The following CCNH variants were observed in gnomAD, a reference collection of about 807,000 sequenced individuals.
CCNH encodes the protein cyclin H.
A neutral mutation model predicts 41.9 loss-of-function variants in CCNH; 31 were observed. The ratio of observed to expected loss-of-function variants is 0.74; its 90% confidence interval spans 0.56 to 1.00. CCNH has a LOEUF of 1.00. Ranked by LOEUF, CCNH falls within the 50% of genes least tolerant of loss-of-function variation. The probability of loss-of-function intolerance (pLI) is 0.00; values close to 1 mark genes in which losing one functional copy is unlikely to be tolerated. For missense variants in CCNH, 362 were observed against 388.4 expected (o/e 0.93, Z 0.57); for synonymous variants, 138 against 136.1 (o/e 1.01, Z -0.10).
chr5:87,334,095 A>G (rs1402740666), intron 9 of CCNH, among the ~76,000 whole-genome samples: 1 of 152,150 alleles, frequency 6.6e-6, no homozygotes, highest in Non-Finnish European at 1.5e-5. Flanking sequence ...TGTTCTCTAG[A>G]GGAGATTTTT....
chr5:87,385,322 C>A, intron 9 of CCNH: 1 of 1,610,672 alleles, frequency 6.2e-7, no homozygotes, highest in Non-Finnish European at 8.5e-7. Context: ...CCTATTGCTG[C>A]AAGAACACTG....
intron 4 of CCNH, among the ~76,000 whole-genome samples, chr5:87,406,924 G>A (rs3093795): frequency 2.5e-3 from 388 of 152,206 alleles, no homozygotes; most frequent in Middle Eastern, 6.8e-3. Context: ...ATCTAATCAT[G>A]CCACTCTCTA....
chr5:87,386,733 T>C, downstream of CCNH: 1 of 1,084,230 alleles, frequency 9.2e-7, no homozygotes, highest in Non-Finnish European at 1.4e-6. Context: ...AATTGCAGTT[T>C]TTGCTGTTAA....
intron 9 of CCNH, among the ~76,000 whole-genome samples, chr5:87,386,220 T>C (rs1762052034): frequency 6.6e-6 from 1 of 152,044 alleles, no homozygotes; most frequent in Non-Finnish European, 1.5e-5. Flanking sequence ...GAGGTCCTTA[T>C]CTCATTGAGT....
chr5:87,394,278 T>G lies in CCNH; in HGVS notation c.*168A>C. On this transcript the variant is annotated 3_prime_UTR_variant, in exon 9 of 9. Coordinates refer to ENST00000256897, the MANE Select transcript of CCNH (RefSeq NM_001239.4). ...CAAAACAGGTGCTATTCTAGCTCTTTTGAAGATGGTTTATTTTACATAAAG... is the reference window on the plus strand; with the variant it reads ...CAAAACAGGTGCTATTCTAGCTCTTGTGAAGATGGTTTATTTTACATAAAG... 4 of 1,327,474 alleles carry G rather than the reference T, an allele frequency of 3.0e-6. No individual in the cohort carries two copies. The highest frequency in any genetic ancestry group is 3.9e-6 in the Non-Finnish European group (4 of 1,035,258). 82.2% of individuals were successfully genotyped at this position (1,327,474 alleles called of 1,614,324 possible).
At chr5:87,410,940 T>C (rs1018327090) in intron 2 of CCNH, among the ~76,000 whole-genome samples, 1 of 152,226 alleles carries the variant, frequency 6.6e-6, no homozygotes, top group African/African-American at 2.4e-5. Flanking sequence ...TATGGCTCAT[T>C]AGTTGAGAAC....
intron 9 of CCNH, among the ~76,000 whole-genome samples, chr5:87,356,345 G>A (rs7715506): frequency 0.015 from 2,204 of 151,596 alleles, 31 homozygotes; most frequent in African/African-American, 0.041. Flanking sequence ...CTTCACCAGC[G>A]TAAAGATTAT....
intron 9 of CCNH, among the ~76,000 whole-genome samples, chr5:87,370,688 C>T (rs1363398076): frequency 6.6e-6 from 1 of 151,980 alleles, no homozygotes; most frequent in East Asian, 1.9e-4. Context: ...TTCTTTGAAC[C>T]CTAATATTTC....
chr5:87,338,536 A>ATATATATATTTTTT, intron 9 of CCNH, among the ~76,000 whole-genome samples: 7 of 85,216 alleles, frequency 8.2e-5, no homozygotes, highest in East Asian at 9.9e-4. Flanking sequence ...TATATATAAA[A>ATATATATATTTTTT]TTTTTTTTTT....
At chr5:87,360,157 T>G (rs1759971684) in intron 9 of CCNH, among the ~76,000 whole-genome samples, 1 of 148,560 alleles carries the variant, frequency 6.7e-6, no homozygotes, top group Admixed American at 6.8e-5. Flanking sequence ...GGAATTTCGC[T>G]CTTTTTTGCT....
chr5:87,351,189 A>G (rs1249610146), intron 9 of CCNH, among the ~76,000 whole-genome samples: 21 of 151,704 alleles, frequency 1.4e-4, no homozygotes. Context: ...TTAAAAAAAA[A>G]AAGCAGAAGA....
At chr5:87,402,912 T>C (rs1263397665) in intron 5 of CCNH, among the ~76,000 whole-genome samples, 2 of 152,202 alleles carry the variant, frequency 1.3e-5, no homozygotes, top group African/African-American at 2.4e-5. Context: ...TCTGTGAAGT[T>C]AGCAACTCTT....
intron 9 of CCNH, chr5:87,346,634 G>C: frequency 7.4e-7 from 1 of 1,344,562 alleles, no homozygotes. Flanking sequence ...ACAGCAAAAA[G>C]GACTTTATTT....
At chr5:87,386,119 T>C (rs965883576) in intron 9 of CCNH, among the ~76,000 whole-genome samples, 2 of 152,074 alleles carry the variant, frequency 1.3e-5, no homozygotes, top group African/African-American at 4.8e-5. Flanking sequence ...TTTTTTCTTT[T>C]TTGCCAATTG....
rs534179114 is a variant in CCNH, at chr5:87,364,162, AAG to A, written c.*90+28606_*90+28607del. On this transcript the variant is annotated intron_variant and NMD_transcript_variant, in intron 9 of 9. Coordinates refer to the CCNH transcript ENST00000645953. The stretch of plus-strand genomic sequence containing the variant: ...TTTATTACCTATTGTTATGATTAGT[AAG>A]AGAAAAGACAGTTAAATGTTTCAAC... 3.9e-3 allele frequency among the ~76,000 whole-genome samples: 590 copies of A among 152,226 alleles called. 1 individual carries two copies. Among genetic ancestry groups the A allele is most frequent in the South Asian group, 7.1e-3 (34 of 4,822 alleles).
chr5:87,409,273 T>G lies in CCNH; in HGVS notation c.314+17A>C. 1 of 1,375,732 alleles carries G rather than the reference T, an allele frequency of 7.3e-7. No homozygotes were observed. The highest frequency in any genetic ancestry group is 1.0e-6 in the Non-Finnish European group (1 of 976,196). 85.2% of individuals were successfully genotyped at this position (1,375,732 alleles called of 1,614,324 possible). Reference sequence around the variant, plus strand: ...GTCTTCTTAAATGAAAACAATATATTAGACAGACATACTCACATTATTATC... The same window carrying G: ...GTCTTCTTAAATGAAAACAATATATGAGACAGACATACTCACATTATTATC... On this transcript the variant is annotated intron_variant, in intron 3 of 8. Coordinates refer to ENST00000256897, the MANE Select transcript of CCNH (RefSeq NM_001239.4).
chr5:87,351,546 C>T (rs954915622), intron 9 of CCNH, among the ~76,000 whole-genome samples: 30 of 151,674 alleles, frequency 2.0e-4, no homozygotes, highest in African/African-American at 7.3e-4. Flanking sequence ...AAATACAGAA[C>T]ACAGTGTCTC....
At chr5:87,338,536 A>ATATATATATATATATATATTTTTTTTTT in intron 9 of CCNH, among the ~76,000 whole-genome samples, 1 of 85,216 alleles carries the variant, frequency 1.2e-5, no homozygotes, top group African/African-American at 4.4e-5. Context: ...TATATATAAA[A>ATATATATATATATATATATTTTTTTTTT]TTTTTTTTTT....
intron 9 of CCNH, among the ~76,000 whole-genome samples, chr5:87,328,117 T>C (rs1273279462): frequency 6.6e-6 from 1 of 152,236 alleles, no homozygotes; most frequent in Non-Finnish European, 1.5e-5. Flanking sequence ...TCTTCTTTCA[T>C]TGGACAAATA....
Sources: gnomAD v4.1 joint callset for allele counts (sites outside exome capture counted in the v4.1 genomes callset) on GRCh38, gnomAD v4.1.1 for gene constraint, MANE v1.5 for transcripts, NCBI Gene and HGNC (gene_info 2026-07-23, HGNC 2026-07-21) for gene names.